Variants in RRN3 observed in about 807,000 individuals in gnomAD.
The protein encoded by RRN3 is RNA polymerase I transcription factor RRN3, also known as RNA polymerase I-specific transcription initiation factor RRN3.
Under a neutral mutation model 82.3 loss-of-function variants are expected in RRN3, and 38 were observed. The observed-to-expected ratio is 0.46, with a 90% CI of 0.36 to 0.61. The LOEUF (loss-of-function observed/expected upper bound fraction) is 0.61, where lower values mean the gene tolerates loss of function less well. RRN3 is among the 20% of genes least tolerant of loss of function. RRN3 has a pLI of 0.00. For missense variants in RRN3, 726 were observed against 793.1 expected (o/e 0.92, Z 1.02); for synonymous variants, 284 against 284.3 (o/e 1.00, Z 0.01).
At chr16:15,083,648 A>G in intron 7 of RRN3, 66 bp from the exon 8 acceptor site, 2 of 1,570,320 alleles carry the variant, frequency 1.3e-6, no homozygotes, top group East Asian at 4.5e-5. Context: ...AAAAAGGAAA[A>G]CTACCATTCT....
In RRN3 at chr16:15,083,531, T is replaced by G; in HGVS notation, c.648A>C (p.Arg216=). 5 of 1,608,720 alleles carry G rather than the reference T, an allele frequency of 3.1e-6. No individual in the cohort carries two copies. The highest frequency in any genetic ancestry group is 4.2e-6 in the Non-Finnish European group (5 of 1,179,034). Residue 216 remains arginine, a synonymous_variant, in exon 8 of 18, where the codon CGA becomes CGC. Transcript: ENST00000198767. ...TTCTTACCAGTGTTCTCTCTGATTT[T>G]CGAACAAATGGAAATTTTTCCACCA... ...PILVEKFPFV[R]KSERTLECYV...
At chr16:15,078,444 G>A (rs2045556308) in intron 9 of RRN3, among the ~76,000 whole-genome samples, 2 of 151,846 alleles carry the variant, frequency 1.3e-5, no homozygotes, top group African/African-American at 4.8e-5. Flanking sequence ...ATCCTCTCCC[G>A]AAATGCAGTT....
intron 3 of RRN3, 65 bp from the exon 4 acceptor site, chr16:15,086,519 A>G (rs994593343): frequency 6.3e-7 from 1 of 1,592,212 alleles, no homozygotes; most frequent in Non-Finnish European, 8.6e-7. Flanking sequence ...ATTTACAGCT[A>G]TCTTATATCA....
intron 12 of RRN3, among the ~76,000 whole-genome samples, 195 bp downstream of exon 12, chr16:15,072,755 G>A (rs556050625): frequency 3.9e-5 from 6 of 152,264 alleles, no homozygotes; most frequent in South Asian, 2.1e-4. Context: ...GCAGCAGAGC[G>A]AGACTGTGTC....
chr16:15,087,093 T>G (rs1388802918), intron 3 of RRN3, among the ~76,000 whole-genome samples: 1 of 152,200 alleles, frequency 6.6e-6, no homozygotes, highest in African/African-American at 2.4e-5. Context: ...GTGTCAATTA[T>G]GTAAAATATT....
intron 7 of RRN3, 110 bp downstream of exon 7, chr16:15,084,531 AC>A: frequency 1.4e-6 from 1 of 712,954 alleles, no homozygotes; most frequent in Non-Finnish European, 2.3e-6. Context: ...TACAAAAAAA[AC>A]ATGCAATGTA....
intron 3 of RRN3, among the ~76,000 whole-genome samples, chr16:15,088,301 C>A (rs1206210068): frequency 1.3e-4 from 20 of 152,060 alleles, no homozygotes; most frequent in Non-Finnish European, 7.4e-5. Flanking sequence ...CATGGGGAGA[C>A]CTCATCTCCA....
chr16:15,076,339 A>G, intron 10 of RRN3: 2 of 601,148 alleles, frequency 3.3e-6, no homozygotes, highest in South Asian at 4.1e-5. Flanking sequence ...CAAAAGTGAA[A>G]CATACTTCAC....
At chr16:15,082,488 C>A (rs1024569850) in intron 8 of RRN3, among the ~76,000 whole-genome samples, 1 of 151,956 alleles carries the variant, frequency 6.6e-6, no homozygotes, top group African/African-American at 2.4e-5. Context: ...GTCTGGCCAA[C>A]GCGGCAAAAT....
At chr16:15,085,878 A>G (rs538150770) in intron 5 of RRN3, among the ~76,000 whole-genome samples, 180 bp from the exon 6 acceptor site, 3 of 152,336 alleles carry the variant, frequency 2.0e-5, no homozygotes, top group Admixed American at 2.0e-4. Context: ...GCAACTTTAT[A>G]GTTTTTAAAC....
intron 14 of RRN3, among the ~76,000 whole-genome samples, chr16:15,069,841 C>G (rs1377190130): frequency 6.6e-6 from 1 of 152,214 alleles, no homozygotes; most frequent in Admixed American, 6.5e-5. Flanking sequence ...AAACCTCTTT[C>G]TTAACCTCAA....
intron 14 of RRN3, 89 bp from the exon 15 acceptor site, chr16:15,068,366 T>G (rs1199754863): frequency 6.8e-7 from 1 of 1,462,064 alleles, no homozygotes. Flanking sequence ...TATCACACAT[T>G]TAAAAAAAAC....
intron 3 of RRN3, among the ~76,000 whole-genome samples, chr16:15,088,755 G>T (rs1349002682): frequency 6.6e-6 from 1 of 152,162 alleles, no homozygotes; most frequent in African/African-American, 2.4e-5. Flanking sequence ...TGGCAGGCAT[G>T]TATAGTGACC....
At chr16:15,072,658 C>T (rs2045286086) in intron 12 of RRN3, among the ~76,000 whole-genome samples, 1 of 152,054 alleles carries the variant, frequency 6.6e-6, no homozygotes, top group African/African-American at 2.4e-5. Context: ...CAAAAATTAG[C>T]CAGGCATGGT....
intron 1 of RRN3, among the ~76,000 whole-genome samples, chr16:15,092,926 C>A (rs2046195115): frequency 6.6e-6 from 1 of 152,198 alleles, no homozygotes; most frequent in Admixed American, 6.5e-5. Flanking sequence ...CTTTTCTGCT[C>A]TTCAAACAAG....
intron 3 of RRN3, among the ~76,000 whole-genome samples, chr16:15,088,403 G>A (rs189972287): frequency 7.3e-4 from 111 of 152,202 alleles, no homozygotes; most frequent in Non-Finnish European, 1.2e-3. Flanking sequence ...GGAGGTTGAG[G>A]CTGCAGTGAG....
intron 3 of RRN3, 97 bp downstream of exon 3, chr16:15,091,218 G>C (rs1349338366): frequency 8.8e-6 from 13 of 1,480,436 alleles, no homozygotes; most frequent in Non-Finnish European, 1.0e-5. Context: ...ACCATGGAGA[G>C]AGCAAGTTCT....
intron 11 of RRN3, among the ~76,000 whole-genome samples, chr16:15,074,294 C>G (rs1226109786): frequency 1.3e-5 from 2 of 152,160 alleles, no homozygotes; most frequent in Non-Finnish European, 2.9e-5. Context: ...CCTGGCAAAG[C>G]CTTTAAAGTT....
Position 15,092,535 on chromosome 16 carries a change from T to C in RRN3, c.169A>G (p.Thr57Ala), listed in dbSNP as rs1196417248. Reference protein sequence around the residue: ...RKTVRFGGTVTEVLLKYKKGE... With the variant: ...RKTVRFGGTVAEVLLKYKKGE... Reference sequence around the variant, plus strand: ...TTTTTGTACTTCAGCAAGACTTCTGTCACAGTTCCACCAAACCGAACAGTT... The same window carrying C: ...TTTTTGTACTTCAGCAAGACTTCTGCCACAGTTCCACCAAACCGAACAGTT... The change falls in exon 2 of 18, where the codon ACA becomes GCA. Residue 57 changes from threonine to alanine, a missense_variant. By Grantham distance (58) the Thr-to-Ala change is moderately conservative (BLOSUM62 0). Coordinates refer to ENST00000198767, the MANE Select transcript of RRN3 (RefSeq NM_018427.5). The C allele has an allele frequency of 6.2e-7, 1 of 1,613,022 alleles. No homozygotes were observed. Among genetic ancestry groups the C allele is most frequent in the Non-Finnish European group, 8.5e-7 (1 of 1,179,014 alleles).
Sources: allele counts gnomAD v4.1 joint callset (sites outside exome capture counted in the v4.1 genomes callset), GRCh38; gene constraint gnomAD v4.1.1; transcripts MANE v1.5; gene names NCBI Gene and HGNC (gene_info 2026-07-23, HGNC 2026-07-21).